CCDC102B: variants seen among roughly 807,000 people sequenced by gnomAD.
CCDC102B encodes coiled-coil domain containing 102B.
In CCDC102B, 75 loss-of-function variants were observed where a neutral mutation model predicts 57.4. The ratio of observed to expected loss-of-function variants is 1.31; its 90% CI spans 1.08 to 1.58. The LOEUF (loss-of-function observed/expected upper bound fraction) is 1.58, where lower values mean the gene tolerates loss of function less well. CCDC102B is among the 40% of genes most tolerant of loss of function. The pLI, the probability that CCDC102B is intolerant of heterozygous loss-of-function variation, is 0.00. For missense variants in CCDC102B, 636 were observed against 582.6 expected (o/e 1.09, Z -0.94); for synonymous variants, 206 against 201.9 (o/e 1.02, Z -0.17).
intron 7 of CCDC102B, among the ~76,000 whole-genome samples, chr18:69,037,418 G>T (rs902162717): frequency 6.6e-6 from 1 of 152,024 alleles, no homozygotes; most frequent in Non-Finnish European, 1.5e-5. Context: ...GACAACAAGA[G>T]GTAGAATAAA....
At chr18:68,982,926 A>G (rs899324390) in intron 6 of CCDC102B, among the ~76,000 whole-genome samples, 1 of 151,942 alleles carries the variant, frequency 6.6e-6, no homozygotes, top group African/African-American at 2.4e-5. Context: ...ACAAAATTGT[A>G]CATCACTATT....
At chr18:68,946,714 T>C (rs903915432) in intron 6 of CCDC102B, among the ~76,000 whole-genome samples, 1 of 152,050 alleles carries the variant, frequency 6.6e-6, no homozygotes, top group African/African-American at 2.4e-5. Context: ...GGAATTGTCA[T>C]TTAGAAACCT....
chr18:69,002,417 C>T lies in CCDC102B; in HGVS notation c.1264-8517C>T, dbSNP rs568689986. Reference sequence around the variant, plus strand: ...CACATGGCCATGCCCGATTTCAACACTAGGGGCTGTATAATCATACTCTCA... The same window carrying T: ...CACATGGCCATGCCCGATTTCAACATTAGGGGCTGTATAATCATACTCTCA... On this transcript the variant is annotated intron_variant, in intron 6 of 7. Coordinates refer to ENST00000360242, the MANE Select transcript of CCDC102B (RefSeq NM_024781.3). Among the ~76,000 whole-genome samples the T allele has an allele frequency of 3.3e-5, 5 of 152,270 alleles. No individual in the cohort carries two copies. In the East Asian group the frequency reaches 7.7e-4, roughly 24 times the overall value.
chr18:68,916,491 T>C (rs969796063), intron 6 of CCDC102B, among the ~76,000 whole-genome samples: 5 of 152,210 alleles, frequency 3.3e-5, no homozygotes, highest in African/African-American at 1.2e-4. Context: ...AGATCTCTTT[T>C]TTCCAGCATC....
At chr18:68,985,536 G>A (rs1417613317) in intron 6 of CCDC102B, among the ~76,000 whole-genome samples, 1 of 152,156 alleles carries the variant, frequency 6.6e-6, no homozygotes, top group East Asian at 1.9e-4. Flanking sequence ...TGGTAGGAAG[G>A]AGCTAAAGAG....
chr18:68,942,514 G>T (rs546497140), intron 6 of CCDC102B, among the ~76,000 whole-genome samples: 63 of 152,082 alleles, frequency 4.1e-4, no homozygotes, highest in Admixed American at 1.5e-3. Flanking sequence ...TGGAGAGAGG[G>T]TCAGCAGGAA....
intron 6 of CCDC102B, among the ~76,000 whole-genome samples, chr18:68,988,230 C>T (rs2050773444): frequency 6.6e-6 from 1 of 151,096 alleles, no homozygotes; most frequent in African/African-American, 2.5e-5. Context: ...GAAAAAAAAA[C>T]ATGTTTTTTG....
intron 3 of CCDC102B, 63 bp from the exon 4 acceptor site, chr18:68,846,250 C>A: frequency 1.0e-6 from 1 of 974,830 alleles, no homozygotes; most frequent in South Asian, 2.7e-5. Context: ...AAATTGAATG[C>A]ATCCTTGAAA....
chr18:69,010,563 T>G (rs1263307946), intron 6 of CCDC102B, among the ~76,000 whole-genome samples: 1 of 152,164 alleles, frequency 6.6e-6, no homozygotes, highest in Non-Finnish European at 1.5e-5. Context: ...TGTGCTAACT[T>G]TTAGCATCTG....
Position 68,904,800 on chromosome 18 carries a change from G to C in CCDC102B, c.1263+7372G>C, listed in dbSNP as rs183847096. Among the ~76,000 whole-genome samples, 36 of 152,134 alleles carry C rather than the reference G, an allele frequency of 2.4e-4. 2 individuals are homozygous for C. In the East Asian group the frequency reaches 6.0e-3, roughly 25 times the overall value. On this transcript the variant is annotated intron_variant, in intron 6 of 7. Coordinates refer to ENST00000360242, the MANE Select transcript of CCDC102B (RefSeq NM_024781.3). ...GCTGAAGCAAACTTAAGTGGATAAG[G>C]TTTTGCATATATGAAACGTTATTAC...
intron 5 of CCDC102B, among the ~76,000 whole-genome samples, chr18:68,876,946 GATAA>G (rs1293830912): frequency 6.6e-6 from 1 of 152,124 alleles, no homozygotes; most frequent in East Asian, 1.9e-4. Context: ...ATAGAAATCT[GATAA>G]ATAGAAAGTT....
At chr18:68,837,818 A>G (rs1019489045) in intron 2 of CCDC102B, among the ~76,000 whole-genome samples, 21 of 152,188 alleles carry the variant, frequency 1.4e-4, no homozygotes, top group African/African-American at 5.1e-4. Flanking sequence ...AGATATGTAT[A>G]TGTATCCTTC....
chr18:68,844,586 A>G (rs1340410442), intron 3 of CCDC102B, among the ~76,000 whole-genome samples: 1 of 151,886 alleles, frequency 6.6e-6, no homozygotes, highest in Admixed American at 6.6e-5. Flanking sequence ...GGTCTAAGTC[A>G]ATACTCAATA....
chr18:68,940,788 G>A (rs945223116), intron 6 of CCDC102B, among the ~76,000 whole-genome samples: 1 of 151,820 alleles, frequency 6.6e-6, no homozygotes, highest in Non-Finnish European at 1.5e-5. Context: ...TTAATGTACA[G>A]AATGCAATTT....
chr18:68,846,396 A>C lies in CCDC102B; in HGVS notation c.911A>C (p.Glu304Ala). ...LWKWKYEELK[E>A]SKPKNVKEFD... ...AAGTGGAAGTATGAAGAACTGAAAGAATCAAAGCCAAAAAATGTGAAAGAG... is the reference window on the plus strand; with the variant it reads ...AAGTGGAAGTATGAAGAACTGAAAGCATCAAAGCCAAAAAATGTGAAAGAG... The change falls in exon 4 of 8, where the codon GAA (glutamate) becomes GCA (alanine). Residue 304 changes from glutamate to alanine, a missense_variant. Physicochemically the swap from Glu to Ala is moderately radical, Grantham distance 107. Transcript: ENST00000360242. The C allele has an allele frequency of 6.3e-7, 1 of 1,585,414 alleles. No individual in the cohort carries two copies.
In CCDC102B at chr18:69,038,554, T is replaced by C. The variant is rs2052353452; in HGVS notation, c.1435-15476T>C. ...CATACCTTCTTTAAAAGATGAACTA[T>C]ACAAACATAAAGATAAAAATGTAAA... On this transcript the variant is annotated intron_variant, in intron 7 of 7. Coordinates refer to ENST00000360242, the MANE Select transcript of CCDC102B (RefSeq NM_024781.3). Among the ~76,000 whole-genome samples the C allele has an allele frequency of 2.0e-5, 3 of 151,940 alleles. No homozygotes were observed. The Admixed American group carries it at 2.0e-4, about 10-fold the overall frequency.
intron 2 of CCDC102B, among the ~76,000 whole-genome samples, chr18:68,762,592 T>G (rs747901580): frequency 1.3e-5 from 2 of 152,108 alleles, no homozygotes; most frequent in African/African-American, 4.8e-5. Context: ...AATTTAGATA[T>G]GCCTAAGAAA....
At chr18:68,733,478 T>TTATATATATATATATATATATA (rs1301629816) in intron 2 of CCDC102B, among the ~76,000 whole-genome samples, 9 of 25,132 alleles carry the variant, frequency 3.6e-4, no homozygotes, top group East Asian at 6.2e-4. Flanking sequence ...TTAGACAACT[T>TTATATATATATATATATATATA]TATATATATA....
chr18:69,026,129 T>C (rs2051982697), intron 7 of CCDC102B, among the ~76,000 whole-genome samples: 1 of 152,024 alleles, frequency 6.6e-6, no homozygotes, highest in Non-Finnish European at 1.5e-5. Flanking sequence ...AGCCAGGGGC[T>C]TGGGTGAAAA....
Sources: gnomAD v4.1 joint callset for allele counts (sites outside exome capture counted in the v4.1 genomes callset) on GRCh38, gnomAD v4.1.1 for gene constraint, MANE v1.5 for transcripts, NCBI Gene and HGNC (gene_info 2026-07-23, HGNC 2026-07-21) for gene names.